Variants in AFG2A observed in about 807,000 individuals in gnomAD.
AFG2A encodes the protein ATPase family gene 2 protein homolog A.
chr4:123,148,363 A>T, the AFG2A span, among the ~76,000 whole-genome samples: 1 of 152,214 alleles, frequency 6.6e-6, no homozygotes, highest in Admixed American at 6.5e-5. Flanking sequence ...TTTTAAAATT[A>T]AACAATGAAA....
the AFG2A span, among the ~76,000 whole-genome samples, chr4:123,162,597 A>T: frequency 6.6e-6 from 1 of 152,238 alleles, no homozygotes; most frequent in African/African-American, 2.4e-5. Context: ...CAGAATTCAT[A>T]GTCTCAAATA....
chr4:123,072,543 C>T, the AFG2A span, among the ~76,000 whole-genome samples: 99 of 152,158 alleles, frequency 6.5e-4, 1 homozygote, highest in African/African-American at 2.3e-3. Flanking sequence ...TTTAAAACAG[C>T]CCAAAAAAGT....
At chr4:123,070,785 A>G in the AFG2A span, among the ~76,000 whole-genome samples, 3 of 152,226 alleles carry the variant, frequency 2.0e-5, no homozygotes, top group Non-Finnish European at 4.4e-5. Context: ...CAGACAACAA[A>G]CAAGGTGAAA....
chr4:123,223,953 C>T, the AFG2A span, among the ~76,000 whole-genome samples: 4 of 152,132 alleles, frequency 2.6e-5, no homozygotes, highest in Non-Finnish European at 5.9e-5. Flanking sequence ...TCTATTTTTG[C>T]ATTCTGTGCT....
At chr4:123,146,958 T>C in the AFG2A span, among the ~76,000 whole-genome samples, 2 of 152,164 alleles carry the variant, frequency 1.3e-5, no homozygotes, top group Admixed American at 6.5e-5. Flanking sequence ...AAATGCCCCA[T>C]ACTCCTTTCA....
the AFG2A span, among the ~76,000 whole-genome samples, chr4:123,226,016 T>C: frequency 6.6e-6 from 1 of 152,210 alleles, no homozygotes; most frequent in African/African-American, 2.4e-5. Context: ...TCTGTTTGTC[T>C]GTTATTGGTG....
chr4:123,264,956 C>T, the AFG2A span, among the ~76,000 whole-genome samples: 1 of 152,094 alleles, frequency 6.6e-6, no homozygotes, highest in Admixed American at 6.6e-5. Flanking sequence ...CTCTTACAGT[C>T]TGTCCAGAAA....
At chr4:122,993,621 C>T in the AFG2A span, among the ~76,000 whole-genome samples, 1 of 151,916 alleles carries the variant, frequency 6.6e-6, no homozygotes, top group African/African-American at 2.4e-5. Context: ...CTTTTGTTTT[C>T]AGAAAGGTTA....
chr4:123,218,352 G>A, the AFG2A span, among the ~76,000 whole-genome samples: 2 of 152,170 alleles, frequency 1.3e-5, no homozygotes, highest in Non-Finnish European at 2.9e-5. Context: ...GAAGTATTGA[G>A]AGGTTTTTGT....
the AFG2A span, among the ~76,000 whole-genome samples, chr4:123,250,354 A>T: frequency 6.6e-6 from 1 of 152,168 alleles, no homozygotes; most frequent in African/African-American, 2.4e-5. Context: ...ATAATAAACT[A>T]ACATGTTTAC....
At chr4:123,284,229 T>G in the AFG2A span, among the ~76,000 whole-genome samples, 1 of 152,202 alleles carries the variant, frequency 6.6e-6, no homozygotes, top group African/African-American at 2.4e-5. Context: ...GAAAGTTTTG[T>G]GTTAGTATGT....
chr4:123,040,990 CTT>C, the AFG2A span, among the ~76,000 whole-genome samples: 1 of 151,996 alleles, frequency 6.6e-6, no homozygotes, highest in African/African-American at 2.4e-5. Context: ...TACATAATCA[CTT>C]TGTCTATTTG....
the AFG2A span, among the ~76,000 whole-genome samples, chr4:123,254,628 A>C: frequency 8.5e-5 from 13 of 152,326 alleles, no homozygotes; most frequent in African/African-American, 3.1e-4. Flanking sequence ...ACATACCATA[A>C]AATTCACTAT....
the AFG2A span, among the ~76,000 whole-genome samples, chr4:123,225,526 T>A: frequency 1.3e-5 from 2 of 152,214 alleles, no homozygotes; most frequent in Non-Finnish European, 2.9e-5. Flanking sequence ...GTTATAGATA[T>A]GTGGCATTAT....
the AFG2A span, among the ~76,000 whole-genome samples, chr4:123,007,556 GTGTGTGTGTATA>G: frequency 3.7e-4 from 24 of 65,624 alleles, no homozygotes; most frequent in Non-Finnish European, 1.2e-4. Context: ...ATGTATGTGT[GTGTGTGTGTATA>G]TGTGTGTGTG....
the AFG2A span, chr4:123,259,877 A>G: frequency 1.3e-5 from 2 of 152,360 alleles, no homozygotes; most frequent in Non-Finnish European, 1.5e-5. Context: ...ATTTGCTGAC[A>G]TAGGCCAAAG....
chr4:123,236,449 CTG>C, the AFG2A span, among the ~76,000 whole-genome samples: 1 of 152,134 alleles, frequency 6.6e-6, no homozygotes. Context: ...TATCTCTTTG[CTG>C]TGTGATATTT....
chr4:123,162,198 G>A, the AFG2A span, among the ~76,000 whole-genome samples: 1 of 152,208 alleles, frequency 6.6e-6, no homozygotes, highest in African/African-American at 2.4e-5. Flanking sequence ...TTTGGAAACT[G>A]TGTCACACAA....
the AFG2A span, among the ~76,000 whole-genome samples, chr4:123,169,049 C>T: frequency 8.5e-4 from 130 of 152,230 alleles, 1 homozygote; most frequent in African/African-American, 2.9e-3. Context: ...TAGAAACTGT[C>T]GTGTCAGCTT....
Sources: allele counts gnomAD v4.1 joint callset (sites outside exome capture counted in the v4.1 genomes callset), GRCh38; gene constraint gnomAD v4.1.1; transcripts MANE v1.5; gene names NCBI Gene and HGNC (gene_info 2026-07-23, HGNC 2026-07-21).